ADAMTSL1: variants seen among roughly 807,000 people sequenced by gnomAD.
The protein encoded by ADAMTSL1 is ADAMTS-like protein 1.
Under a neutral mutation model 201.8 loss-of-function variants are expected in ADAMTSL1, and 126 were observed. The observed-to-expected ratio is 0.62, with a 90% CI of 0.54 to 0.72. The LOEUF is 0.72. ADAMTSL1 is among the 30% of genes least tolerant of loss of function. ADAMTSL1 has a pLI of 0.00. For missense variants in ADAMTSL1, 2,679 were observed against 2,277.8 expected (o/e 1.18, Z -3.59); for synonymous variants, 1,121 against 903.4 (o/e 1.24, Z -4.32).
intron 19 of ADAMTSL1, among the ~76,000 whole-genome samples, chr9:18,786,578 G>A (rs1821720447): frequency 1.3e-5 from 2 of 152,220 alleles, no homozygotes; most frequent in African/African-American, 2.4e-5. Flanking sequence ...CTGACACACA[G>A]TGGATACTCA....
chr9:18,835,405 C>T (rs1825251942), intron 23 of ADAMTSL1, among the ~76,000 whole-genome samples: 1 of 152,102 alleles, frequency 6.6e-6, no homozygotes, highest in Non-Finnish European at 1.5e-5. Context: ...TACTTTGTCC[C>T]AGTCAGCAGC....
intron 1 of ADAMTSL1, among the ~76,000 whole-genome samples, chr9:18,090,113 A>C (rs118120209): frequency 0.011 from 1,608 of 152,328 alleles, 22 homozygotes; most frequent in Admixed American, 0.035. Context: ...AGAAAAAGAA[A>C]GTAAGTATTG....
At chr9:18,410,178 CT>C (rs920083000) in intron 2 of ADAMTSL1, among the ~76,000 whole-genome samples, 121 of 146,026 alleles carry the variant, frequency 8.3e-4, no homozygotes, top group South Asian at 1.3e-3. Context: ...GTCCCTGAAT[CT>C]TTTTTTTTTT....
At chr9:18,150,088 A>T (rs1287139936) in intron 1 of ADAMTSL1, among the ~76,000 whole-genome samples, 3 of 152,074 alleles carry the variant, frequency 2.0e-5, no homozygotes, top group Non-Finnish European at 4.4e-5. Flanking sequence ...AATGCTTAAT[A>T]GGCAATTGGG....
chr9:18,030,403 G>C (rs1222085278), intron 1 of ADAMTSL1, among the ~76,000 whole-genome samples: 1 of 151,996 alleles, frequency 6.6e-6, no homozygotes, highest in Non-Finnish European at 1.5e-5. Flanking sequence ...GTTGTGTGGT[G>C]GGGGGAGTGG....
At chr9:17,934,661 A>C (rs1386682429) in intron 1 of ADAMTSL1, among the ~76,000 whole-genome samples, 1 of 152,098 alleles carries the variant, frequency 6.6e-6, no homozygotes, top group Non-Finnish European at 1.5e-5. Context: ...TTCTTTCCCT[A>C]TCCCTCATAG....
chr9:18,037,398 C>T (rs1821245216), intron 1 of ADAMTSL1, among the ~76,000 whole-genome samples: 1 of 152,178 alleles, frequency 6.6e-6, no homozygotes, highest in South Asian at 2.1e-4. Context: ...AGAGCACAAA[C>T]ATCAGTCTGG....
rs1475878677 is a variant in ADAMTSL1 at position 18,456,434 on chromosome 9, T to A, written c.208-48395T>A. 3.3e-5 allele frequency among the ~76,000 whole-genome samples: 5 copies of A among 152,162 alleles called. No individual in the cohort carries two copies. In the South Asian group the frequency reaches 1.0e-3, roughly 31 times the overall value. Reference sequence around the variant, plus strand: ...GGTCCACTAGATTTTCCTTTTGGAATATATAAAATCTCTTACACAGGCTGC... The same window carrying A: ...GGTCCACTAGATTTTCCTTTTGGAAAATATAAAATCTCTTACACAGGCTGC... On this transcript the variant is annotated intron_variant, in intron 2 of 29. Coordinates refer to the ADAMTSL1 transcript ENST00000680146.
chr9:18,457,107 C>T (rs918270663), intron 2 of ADAMTSL1, among the ~76,000 whole-genome samples: 1 of 152,132 alleles, frequency 6.6e-6, no homozygotes, highest in Non-Finnish European at 1.5e-5. Flanking sequence ...TTAAACTCCA[C>T]ACACAGTGAA....
chr9:18,711,257 T>A (rs1483872843), intron 14 of ADAMTSL1, among the ~76,000 whole-genome samples: 2 of 152,110 alleles, frequency 1.3e-5, no homozygotes, highest in African/African-American at 4.8e-5. Flanking sequence ...GATGGCCGAA[T>A]AGGAACAGCT....
intron 4 of ADAMTSL1, among the ~76,000 whole-genome samples, chr9:18,577,894 G>A (rs1173459245): frequency 6.6e-6 from 1 of 152,046 alleles, no homozygotes; most frequent in Non-Finnish European, 1.5e-5. Flanking sequence ...TCATCACAAG[G>A]AAGTAGTAAG....
chr9:18,086,346 A>G (rs893919407), intron 1 of ADAMTSL1, among the ~76,000 whole-genome samples: 6 of 152,196 alleles, frequency 3.9e-5, no homozygotes, highest in African/African-American at 1.4e-4. Flanking sequence ...CTTAAATAAA[A>G]CAGAGTGACC....
chr9:18,892,926 C>T (rs757866373), intron 26 of ADAMTSL1, among the ~76,000 whole-genome samples: 5 of 151,892 alleles, frequency 3.3e-5, no homozygotes, highest in East Asian at 1.9e-4. Context: ...CAATCACCGG[C>T]GACTTTCTAT....
At chr9:17,922,504 C>T (rs538063263) in intron 1 of ADAMTSL1, among the ~76,000 whole-genome samples, 40 of 152,254 alleles carry the variant, frequency 2.6e-4, no homozygotes, top group African/African-American at 9.1e-4. Flanking sequence ...TAGGGATATG[C>T]GTTTATTACC....
chr9:18,174,931 T>G (rs994068427), intron 2 of ADAMTSL1, among the ~76,000 whole-genome samples: 1 of 152,166 alleles, frequency 6.6e-6, no homozygotes, highest in Non-Finnish European at 1.5e-5. Flanking sequence ...TTAAGTTCAG[T>G]TTCAACTTGA....
At chr9:18,854,273 C>G (rs945713394) in intron 23 of ADAMTSL1, among the ~76,000 whole-genome samples, 2 of 152,034 alleles carry the variant, frequency 1.3e-5, no homozygotes, top group African/African-American at 4.8e-5. Flanking sequence ...TCCTTATTGC[C>G]CAGTGGTATT....
At chr9:18,681,677 A>G in intron 11 of ADAMTSL1, 135 bp from the exon 12 acceptor site, 1 of 606,350 alleles carries the variant, frequency 1.6e-6, no homozygotes, top group Non-Finnish European at 2.5e-6. Context: ...AGTGGTATAA[A>G]TTTACCAGGA....
At chr9:18,252,150 A>G (rs572431980) in intron 2 of ADAMTSL1, among the ~76,000 whole-genome samples, 107 of 152,308 alleles carry the variant, frequency 7.0e-4, no homozygotes, top group African/African-American at 2.5e-3. Flanking sequence ...AGTTTAGGAG[A>G]AAAGTTGCAG....
chr9:18,177,656 T>G (rs1357680918), intron 2 of ADAMTSL1, among the ~76,000 whole-genome samples: 1 of 152,200 alleles, frequency 6.6e-6, no homozygotes, highest in Non-Finnish European at 1.5e-5. Flanking sequence ...TACACCTATA[T>G]TCCAGCCAGT....
Sources: allele counts gnomAD v4.1 joint callset (sites outside exome capture counted in the v4.1 genomes callset), GRCh38; gene constraint gnomAD v4.1.1; transcripts MANE v1.5; gene names NCBI Gene and HGNC (gene_info 2026-07-23, HGNC 2026-07-21).